TMEM184B: variants seen among roughly 807,000 people sequenced by gnomAD.
TMEM184B encodes the protein putative MAPK-activating protein FM08.
Under a neutral mutation model 41.8 loss-of-function variants are expected in TMEM184B, and 17 were observed. The ratio of observed to expected loss-of-function variants is 0.41; its 90% CI spans 0.28 to 0.61. The LOEUF (loss-of-function observed/expected upper bound fraction) is 0.61. TMEM184B is among the 20% of genes least tolerant of loss of function. The pLI is 0.34. For missense variants in TMEM184B, 393 were observed against 557.8 expected, an observed-to-expected ratio of 0.70 and a Z score of 2.98; for synonymous variants, 240 against 229.5, an observed-to-expected ratio of 1.05 and a Z score of -0.41.
chr22:38,272,396 G>C (rs1005738522), intron 1 of TMEM184B: 22 of 845,810 alleles, frequency 2.6e-5, no homozygotes, highest in African/African-American at 2.2e-4. Context: ...TGTGTGGCGG[G>C]CGTGTACACC....
Position 38,219,751 on chromosome 22 carries a change from A to G in TMEM184B, c.*1718T>C. 1.0e-6 allele frequency: 1 copy of G among 985,720 alleles called. No individual in the cohort carries two copies. Among genetic ancestry groups the G allele is most frequent in the Non-Finnish European group, 1.2e-6 (1 of 830,142 alleles). 61.1% of individuals were successfully genotyped at this position (985,720 alleles called of 1,614,324 possible). On this transcript the variant is annotated 3_prime_UTR_variant, in exon 9 of 9. Transcript: ENST00000361906. Reference sequence around the variant, plus strand: ...GGAGAAGGGAAGCCACGGTGGAGAGACAGCTTGGTGAAAGCAGATGGCGGG... The same window carrying G: ...GGAGAAGGGAAGCCACGGTGGAGAGGCAGCTTGGTGAAAGCAGATGGCGGG...
In TMEM184B at chr22:38,221,429, G is replaced by A. The variant is rs780873410; in HGVS notation, c.*40C>T. ...GCTGGAGGTGGGGCACAGCCTGACC[G>A]TGGCTATGGCGCCAGCACTTCCGCC... On this transcript the variant is annotated 3_prime_UTR_variant, in exon 9 of 9. Coordinates refer to ENST00000361906, the MANE Select transcript of TMEM184B (RefSeq NM_012264.5). 3.2e-6 allele frequency: 5 copies of A among 1,558,012 alleles called. No homozygotes were observed. The highest frequency in any genetic ancestry group is 1.4e-5 in the African/African-American group (1 of 73,962).
At chr22:38,236,365 G>A (rs2091773498) in intron 3 of TMEM184B, among the ~76,000 whole-genome samples, 3 of 152,272 alleles carry the variant, frequency 2.0e-5, no homozygotes, top group Admixed American at 2.0e-4. Context: ...AAGACATCAG[G>A]GGTCACTCTC....
chr22:38,220,065 G>T lies in TMEM184B; in HGVS notation c.*1404C>A. On this transcript the variant is annotated 3_prime_UTR_variant, in exon 9 of 9. Transcript: ENST00000361906. ...ACCCTACCAGCTTCTCCAGGTGACTGCAGCCCAAACCCAGGGATAATCTGG... is the reference window on the plus strand; with the variant it reads ...ACCCTACCAGCTTCTCCAGGTGACTTCAGCCCAAACCCAGGGATAATCTGG... The T allele has an allele frequency of 1.0e-6, 1 of 985,560 alleles. No individual in the cohort carries two copies. Among genetic ancestry groups the T allele is most frequent in the Non-Finnish European group, 1.2e-6 (1 of 830,026 alleles). The allele number at this position is 985,560 out of a possible 1,614,324, so 61.1% of individuals were successfully genotyped here. A position where few individuals can be genotyped will look rare whatever the true frequency, so the allele number is the denominator to read the frequency against.
At chr22:38,253,961 G>C (rs1429671367) in intron 1 of TMEM184B, among the ~76,000 whole-genome samples, 3 of 152,180 alleles carry the variant, frequency 2.0e-5, no homozygotes, top group Non-Finnish European at 4.4e-5. Flanking sequence ...AGCACTTTGG[G>C]AGGCCAAGGT....
downstream of TMEM184B, among the ~76,000 whole-genome samples, chr22:38,218,035 G>A (rs755147005): frequency 5.3e-5 from 8 of 152,104 alleles, no homozygotes; most frequent in Admixed American, 3.9e-4. Context: ...GTCCCACCCA[G>A]AGAGGAAAAA....
rs183118821 is a variant in TMEM184B, at chr22:38,231,978, C to A, written c.359-644G>T. The A allele has an allele frequency of 4.3e-3, 727 of 167,844 alleles. 3 individuals carry two copies. The highest frequency in any genetic ancestry group is 0.017 in the African/African-American group (692 of 41,870). 10.4% of individuals were successfully genotyped at this position (167,844 alleles called of 1,614,324 possible). A position where few individuals can be genotyped will look rare whatever the true frequency, so the allele number is the denominator to read the frequency against. ...AACAGCCACTGCACTCCAGCCTGGG[C>A]AACATAGCGAGACCTCATCTCTAAT... On this transcript the variant is annotated intron_variant, in intron 3 of 8. Transcript: ENST00000361906.
chr22:38,228,128 C>T (rs1029867922), intron 5 of TMEM184B, among the ~76,000 whole-genome samples: 5 of 152,162 alleles, frequency 3.3e-5, no homozygotes, highest in Non-Finnish European at 7.4e-5. Context: ...CATGGGGCTG[C>T]CATACGGAGA....
At chr22:38,247,744 A>T in intron 2 of TMEM184B, 26 bp downstream of exon 2, 2 of 1,599,546 alleles carry the variant, frequency 1.3e-6, no homozygotes, top group Non-Finnish European at 1.7e-6. Context: ...GGACCTTTCT[A>T]GAGGCCCCTT....
At chr22:38,262,642 G>T (rs1007582079) in intron 1 of TMEM184B, among the ~76,000 whole-genome samples, 1 of 152,226 alleles carries the variant, frequency 6.6e-6, no homozygotes, top group African/African-American at 2.4e-5. Context: ...CGGAGCAAGG[G>T]TTGAAAATGA....
At chr22:38,261,492 G>GT (rs1442477172) in intron 1 of TMEM184B, among the ~76,000 whole-genome samples, 1 of 152,192 alleles carries the variant, frequency 6.6e-6, no homozygotes, top group Non-Finnish European at 1.5e-5. Flanking sequence ...TGTCACTTGG[G>GT]TGGGGGTGCA....
chr22:38,227,122 G>A (rs990337266), intron 5 of TMEM184B, among the ~76,000 whole-genome samples: 4 of 151,848 alleles, frequency 2.6e-5, no homozygotes, highest in Non-Finnish European at 5.9e-5. Context: ...TGCGCGGGGC[G>A]GGGGGCAGAA....
chr22:38,218,678 A>T (rs768212238), downstream of TMEM184B, among the ~76,000 whole-genome samples: 4 of 152,198 alleles, frequency 2.6e-5, no homozygotes, highest in Admixed American at 6.5e-5. Context: ...TGCCAAGCCC[A>T]TGACCCTGAA....
intron 1 of TMEM184B, among the ~76,000 whole-genome samples, chr22:38,259,607 A>T (rs1425292518): frequency 6.6e-6 from 1 of 152,220 alleles, no homozygotes; most frequent in Non-Finnish European, 1.5e-5. Context: ...GAGCTGGAAG[A>T]GGCAGGGAAA....
chr22:38,254,030 G>C (rs1158334117), intron 1 of TMEM184B, among the ~76,000 whole-genome samples: 1 of 151,992 alleles, frequency 6.6e-6, no homozygotes, highest in Non-Finnish European at 1.5e-5. Flanking sequence ...GTGAAACCCT[G>C]TCTCTACTAA....
chr22:38,224,743 C>T, intron 8 of TMEM184B, 42 bp downstream of exon 8: 1 of 1,528,612 alleles, frequency 6.5e-7, no homozygotes, highest in Non-Finnish European at 8.8e-7. Flanking sequence ...TTGGGGCTCC[C>T]TGCTTCTCCC....
chr22:38,256,934 C>T (rs2092289256), intron 1 of TMEM184B, among the ~76,000 whole-genome samples: 1 of 150,634 alleles, frequency 6.6e-6, no homozygotes, highest in African/African-American at 2.5e-5. Flanking sequence ...GACGTCTAGT[C>T]TAGCTGTAGT....
Position 38,226,892 on chromosome 22 carries a change from T to G in TMEM184B, c.526-22A>C, listed in dbSNP as rs749247315. On this transcript the variant is annotated intron_variant, in intron 5 of 8. Coordinates refer to ENST00000361906, the MANE Select transcript of TMEM184B (RefSeq NM_012264.5). This position sits in a 1 kb window ranked among gnomAD's most constrained non-coding sequence, Gnocchi z 4.6. Reference sequence around the variant, plus strand: ...TGGCCTGTTGGGGGGAAAAGGAGGTTGAGTGTGGAGGAGGAGCACAGAAGG... The same window carrying G: ...TGGCCTGTTGGGGGGAAAAGGAGGTGGAGTGTGGAGGAGGAGCACAGAAGG... The G allele has an allele frequency of 5.1e-6, 8 of 1,565,400 alleles. No individual in the cohort carries two copies. The East Asian group carries it at 1.6e-4, about 32-fold the overall frequency.
chr22:38,247,424 G>A (rs1201293826), intron 2 of TMEM184B, among the ~76,000 whole-genome samples: 4 of 152,206 alleles, frequency 2.6e-5, no homozygotes, highest in South Asian at 2.1e-4. Context: ...CGGAACCTGC[G>A]CTGCACTGGG....
Sources: allele counts gnomAD v4.1 joint callset (sites outside exome capture counted in the v4.1 genomes callset), GRCh38; gene constraint gnomAD v4.1.1; non-coding constraint Gnocchi (gnomAD v3.1); transcripts MANE v1.5; gene names NCBI Gene and HGNC (gene_info 2026-07-23, HGNC 2026-07-21).